Variants in AMZ1 observed in about 807,000 individuals in gnomAD.
The protein encoded by AMZ1 is archaelysin family metallopeptidase 1.
A neutral mutation model predicts 29.9 loss-of-function variants in AMZ1; 39 were observed. The observed-to-expected ratio is 1.30, with a 90% CI of 1.01 to 1.70. The LOEUF (loss-of-function observed/expected upper bound fraction) is 1.70. Ranked by LOEUF, AMZ1 falls within the 40% of genes most tolerant of loss-of-function variation. The pLI, the probability that AMZ1 is intolerant of heterozygous loss-of-function variation, is 0.00. For missense variants in AMZ1, 1,041 were observed against 680.6 expected (o/e 1.53, Z -5.89); for synonymous variants, 458 against 304.0 (o/e 1.51, Z -5.27).
chr7:2,737,264 GTTTTGTTTTGTTTTTTTTTTTTTTGTTT>G (rs1790234494), intron 4 of AMZ1, among the ~76,000 whole-genome samples: 5 of 52,452 alleles, frequency 9.5e-5, no homozygotes, highest in Admixed American at 9.0e-4. Flanking sequence ...CTATCTCACA[GTTTTGTTTTGTTTTTTTTTTTTTTGTTT>G]TTTTTTTTTT....
At chr7:2,751,794 T>C (rs1378246072) in intron 4 of AMZ1, among the ~76,000 whole-genome samples, 3 of 152,230 alleles carry the variant, frequency 2.0e-5, no homozygotes, top group African/African-American at 7.2e-5. Flanking sequence ...AAAAATTTAA[T>C]TTCCCAAAAC....
rs1014694789 is a variant in AMZ1 at position 2,718,657 on chromosome 7, T to G, written c.*5779T>G. On this transcript the variant is annotated 3_prime_UTR_variant, in exon 7 of 7. Transcript: ENST00000683327. ...TTCAGCAGCAGAAGGCAGTGGACTCTTCACCATTTCTTCCAACACTTTCTC... is the reference window on the plus strand; with the variant it reads ...TTCAGCAGCAGAAGGCAGTGGACTCGTCACCATTTCTTCCAACACTTTCTC... Among the ~76,000 whole-genome samples, 4 of 152,220 alleles carry G rather than the reference T, an allele frequency of 2.6e-5. No individual in the cohort carries two copies. The highest frequency in any genetic ancestry group is 9.6e-5 in the African/African-American group (4 of 41,464).
chr7:2,721,480 G>T (rs981954218), downstream of AMZ1, among the ~76,000 whole-genome samples: 3 of 152,192 alleles, frequency 2.0e-5, no homozygotes, highest in Non-Finnish European at 4.4e-5. Flanking sequence ...ACTTTGGGAG[G>T]CTGAGGTGGG....
At chr7:2,765,074 C>A (rs908361203) in intron 1 of AMZ1, 3 of 152,068 alleles carry the variant, frequency 2.0e-5, no homozygotes, top group African/African-American at 7.2e-5. Context: ...TCCCAAATAA[C>A]CCCCCCAAAT....
chr7:2,700,209 G>T (rs1345620827), intron 1 of AMZ1, 25 bp from the exon 2 acceptor site: 2 of 563,340 alleles, frequency 3.6e-6, no homozygotes, highest in African/African-American at 3.8e-5. Flanking sequence ...GGCAGTGAGG[G>T]GACCCCTGTT....
upstream of AMZ1, among the ~76,000 whole-genome samples, chr7:2,683,893 G>T (rs927062418): frequency 3.3e-5 from 5 of 150,136 alleles, no homozygotes; most frequent in African/African-American, 4.9e-5. Context: ...TTAAAAAATT[G>T]TTGGCTGGGT....
chr7:2,701,626 C>T (rs1052117819), intron 2 of AMZ1, among the ~76,000 whole-genome samples: 2 of 152,206 alleles, frequency 1.3e-5, no homozygotes. Flanking sequence ...CAAGAGCAGC[C>T]TGGCAGAGAC....
intron 4 of AMZ1, among the ~76,000 whole-genome samples, chr7:2,748,448 G>C (rs953914335): frequency 6.6e-6 from 1 of 152,082 alleles, no homozygotes. Context: ...GGGAAAACTG[G>C]CTAGCCATAT....
chr7:2,741,446 C>T (rs1479014081), intron 4 of AMZ1, among the ~76,000 whole-genome samples: 2 of 152,162 alleles, frequency 1.3e-5, no homozygotes, highest in African/African-American at 2.4e-5. Flanking sequence ...TCTCTAAAAC[C>T]CAGCAAGTGC....
At chr7:2,741,991 GTT>G in intron 4 of AMZ1, among the ~76,000 whole-genome samples, 1 of 151,656 alleles carries the variant, frequency 6.6e-6, no homozygotes, top group Admixed American at 6.6e-5. Context: ...TGCCTCTTTA[GTT>G]TCATTTAATC....
intron 1 of AMZ1, among the ~76,000 whole-genome samples, chr7:2,691,491 C>T (rs1168793959): frequency 6.7e-6 from 1 of 148,622 alleles, no homozygotes; most frequent in Non-Finnish European, 1.5e-5. Flanking sequence ...ACATATAATC[C>T]CAGCACTTCG....
At position 2,731,594 on chromosome 7, in the gene AMZ1, T is replaced by C. The variant is rs1294157750; in HGVS notation, n.550+21778T>C. The stretch of plus-strand genomic sequence containing the variant: ...GAGACCATGAACAGGATGGACGTGA[T>C]CCCGTCGAAGCACTGGAACCACTTC... On this transcript the variant is annotated intron_variant and non_coding_transcript_variant, in intron 4 of 4. Transcript: ENST00000489665. The surrounding 1 kb of genome is among the most constrained non-coding windows in gnomAD (Gnocchi z 6.0). The C allele has an allele frequency of 6.2e-7, 1 of 1,613,694 alleles. No individual in the cohort carries two copies. Among genetic ancestry groups the C allele is most frequent in the Non-Finnish European group, 8.5e-7 (1 of 1,179,872 alleles).
chr7:2,733,578 G>T, intron 4 of AMZ1: 1 of 1,141,678 alleles, frequency 8.8e-7, no homozygotes, highest in Non-Finnish European at 1.3e-6. Context: ...AACTGAACAG[G>T]GTAAGAGCAG....
Position 2,712,405 on chromosome 7 carries a change from G to T in AMZ1, c.1024G>T (p.Asp342Tyr). 1 of 1,611,364 alleles carries T rather than the reference G, an allele frequency of 6.2e-7. No homozygotes were observed. Among genetic ancestry groups the T allele is most frequent in the Non-Finnish European group, 8.5e-7 (1 of 1,179,462 alleles). ...GGCGGGGGAGCCGTCAGTGTGGGAG[G>T]ACACCCCGCCTGCCAGCGCCGACTC... ...QEAGEPSVWE[D>Y]TPPASADSGM... The change falls in exon 7 of 7, where the codon GAC becomes TAC. Residue 342 changes from aspartate (D) to tyrosine (Y), a missense_variant. Transcript: ENST00000683327.
At position 2,709,106 on chromosome 7, in the gene AMZ1, A is replaced by C. The variant is rs749616241; in HGVS notation, c.633A>C (p.Ser211=). ...EVGVCSFARF[S]GEFPKSGPSA... ...GCGTCTGCAGCTTCGCCCGGTTCTC[A>C]GGGGAATTCCCGAAGTCGGGGCCCA... Residue 211 remains serine (S), a synonymous_variant, in exon 5 of 7, where the codon TCA becomes TCC. Transcript: ENST00000683327. 3.1e-6 allele frequency: 5 copies of C among 1,600,938 alleles called. No individual in the cohort carries two copies. The highest frequency in any genetic ancestry group is 4.3e-6 in the Non-Finnish European group (5 of 1,174,060).
Position 2,731,113 on chromosome 7 carries a change from C to T in AMZ1, n.550+21297C>T. On this transcript the variant is annotated intron_variant and non_coding_transcript_variant, in intron 4 of 4. Coordinates refer to the AMZ1 transcript ENST00000489665. The surrounding 1 kb of genome is among the most constrained non-coding windows in gnomAD (Gnocchi z 6.0). ...CCACTCAAGGACCACACAGACAACA[C>T]ACACCCAAGAGTCTGACCGACAGCC... The T allele has an allele frequency of 7.5e-6, 8 of 1,065,134 alleles. No individual in the cohort carries two copies. The highest frequency in any genetic ancestry group is 9.8e-6 in the Non-Finnish European group (7 of 715,424). 66.0% of individuals were successfully genotyped at this position (1,065,134 alleles called of 1,614,324 possible).
intron 4 of AMZ1, among the ~76,000 whole-genome samples, chr7:2,756,632 C>T (rs1791310685): frequency 7.4e-6 from 1 of 135,278 alleles, no homozygotes; most frequent in African/African-American, 2.6e-5. Context: ...CAAACAAAAA[C>T]ATAGGAGAGG....
At chr7:2,725,638 C>T (rs771728719) in intron 4 of AMZ1, among the ~76,000 whole-genome samples, 9 of 152,218 alleles carry the variant, frequency 5.9e-5, no homozygotes, top group African/African-American at 1.9e-4. Flanking sequence ...AGGAGCAGCA[C>T]GTCCACACCC....
Position 2,718,371 on chromosome 7 carries a change from C to G in AMZ1, c.*5493C>G, listed in dbSNP as rs769417441. 3.9e-5 allele frequency among the ~76,000 whole-genome samples: 6 copies of G among 152,204 alleles called. No individual in the cohort carries two copies. The highest frequency in any genetic ancestry group is 1.2e-4 in the African/African-American group (5 of 41,454). The stretch of plus-strand genomic sequence containing the variant: ...CGCCCCTTCTCAGCAAAGGCCAACA[C>G]GTCTTTCTCGAGTCCAAGACCATCT... On this transcript the variant is annotated 3_prime_UTR_variant, in exon 7 of 7. Transcript: ENST00000683327.
Sources: allele counts gnomAD v4.1 joint callset (sites outside exome capture counted in the v4.1 genomes callset), GRCh38; gene constraint gnomAD v4.1.1; non-coding constraint Gnocchi (gnomAD v3.1); transcripts MANE v1.5; gene names NCBI Gene and HGNC (gene_info 2026-07-23, HGNC 2026-07-21).